FOXP1: variants seen among roughly 807,000 people sequenced by gnomAD.
The protein encoded by FOXP1 is forkhead box P1.
FOXP1 carries 15 observed loss-of-function variants against 98.2 expected under a neutral mutation model. The observed-to-expected ratio is 0.15, with a 90% CI of 0.10 to 0.24. The LOEUF (loss-of-function observed/expected upper bound fraction) is 0.24. Ranked by LOEUF, FOXP1 falls within the 10% of genes least tolerant of loss-of-function variation. The pLI, the probability that FOXP1 is intolerant of heterozygous loss-of-function variation, is 1.00. For missense variants in FOXP1, 633 were observed against 848.5 expected (o/e 0.75, Z 3.15); for synonymous variants, 371 against 314.5 (o/e 1.18, Z -1.90).
chr3:71,088,400 G>GTTTT (rs539363748), intron 7 of FOXP1, among the ~76,000 whole-genome samples: 4 of 140,942 alleles, frequency 2.8e-5, no homozygotes, highest in East Asian at 2.0e-4. Flanking sequence ...TTTGTTTTTT[G>GTTTT]TTTTTTTTTT....
chr3:71,065,225 G>C (rs1449776630), intron 7 of FOXP1, among the ~76,000 whole-genome samples: 2 of 152,026 alleles, frequency 1.3e-5, no homozygotes, highest in Non-Finnish European at 2.9e-5. Flanking sequence ...GGCCGGGCTC[G>C]GCGCGCACCG....
chr3:71,123,344 T>C (rs2107836094), intron 6 of FOXP1, among the ~76,000 whole-genome samples: 1 of 152,322 alleles, frequency 6.6e-6, no homozygotes, highest in African/African-American at 2.4e-5. Flanking sequence ...ATCTCTGCTC[T>C]CTCGCACGCT....
intron 3 of FOXP1, among the ~76,000 whole-genome samples, chr3:71,432,860 A>ACT (rs2084850980): frequency 6.6e-6 from 1 of 151,368 alleles, no homozygotes. Context: ...AAAAAAAAAA[A>ACT]AAAAAATTAA....
intron 5 of FOXP1, among the ~76,000 whole-genome samples, chr3:71,261,407 T>A (rs550086565): frequency 4.0e-5 from 6 of 149,476 alleles, no homozygotes; most frequent in East Asian, 3.9e-4. Flanking sequence ...TATTTAAATT[T>A]AAAAAAAAAA....
rs534901095 is a variant in FOXP1, at chr3:71,442,683, A to G, written c.-168+50743T>C. Among the ~76,000 whole-genome samples, 5 of 152,054 alleles carry G rather than the reference A, an allele frequency of 3.3e-5. No homozygotes were observed. The East Asian group carries it at 9.7e-4, about 29-fold the overall frequency. ...TTTCTTTTGTTTTTGTTTTTTTGACAACAATCACAGTCACTCCCACGTCTG... is the reference window on the plus strand; with the variant it reads ...TTTCTTTTGTTTTTGTTTTTTTGACGACAATCACAGTCACTCCCACGTCTG... On this transcript the variant is annotated intron_variant, in intron 3 of 20. Transcript: ENST00000649528.
intron 5 of FOXP1, chr3:71,244,788 A>G (rs1406074851): frequency 6.6e-6 from 1 of 151,960 alleles, no homozygotes; most frequent in African/African-American, 2.4e-5. Flanking sequence ...TTTCTTTACA[A>G]TGTCTATATC....
At chr3:71,552,644 T>C (rs1170611818) in intron 2 of FOXP1, among the ~76,000 whole-genome samples, 1 of 152,004 alleles carries the variant, frequency 6.6e-6, no homozygotes, top group African/African-American at 2.4e-5. Context: ...ATATTTGATA[T>C]TAAACATATT....
chr3:71,576,242 A>G (rs936701301), intron 2 of FOXP1, among the ~76,000 whole-genome samples: 1 of 152,248 alleles, frequency 6.6e-6, no homozygotes, highest in Admixed American at 6.5e-5. Flanking sequence ...GTTTGAGGAA[A>G]TACACTCATC....
intron 18 of FOXP1, chr3:70,971,990 AAAGCAAGT>A: frequency 7.4e-7 from 1 of 1,358,906 alleles, no homozygotes; most frequent in Non-Finnish European, 9.5e-7. Flanking sequence ...AAAAAAAACA[AAAGCAAGT>A]AAAGGCTCTT....
At chr3:71,220,566 A>T (rs1485047161) in intron 5 of FOXP1, among the ~76,000 whole-genome samples, 1 of 151,714 alleles carries the variant, frequency 6.6e-6, no homozygotes, top group Non-Finnish European at 1.5e-5. Context: ...TGGGCAACAT[A>T]GCAAAACTCT....
chr3:71,033,602 C>CAAAAAAAAAA (rs35470748), intron 11 of FOXP1, among the ~76,000 whole-genome samples: 3 of 70,638 alleles, frequency 4.2e-5, no homozygotes, highest in Non-Finnish European at 3.6e-5. Context: ...AGTGAACAGT[C>CAAAAAAAAAA]AAAAAAAAAA....
In FOXP1 at chr3:71,077,836, AT is replaced by A. The variant is rs34917871; in HGVS notation, c.283-24064del. ...AAGCATTTATGTTTCCTGTGCATAT[AT>A]TTTTTTTTTTTTGAGATGGAGTTTC... is the stretch of plus-strand genomic sequence containing the variant. On this transcript the variant is annotated intron_variant, in intron 7 of 20. Transcript: ENST00000649528. 3.9e-3 allele frequency among the ~76,000 whole-genome samples: 562 copies of A among 145,564 alleles called. 3 individuals are homozygous for A. The highest frequency in any genetic ancestry group is 0.012 in the African/African-American group (479 of 39,432).
chr3:71,229,521 A>G (rs570679078), intron 5 of FOXP1, among the ~76,000 whole-genome samples: 14 of 152,298 alleles, frequency 9.2e-5, no homozygotes, highest in African/African-American at 2.9e-4. Flanking sequence ...GAGTGTGTTC[A>G]TGAATGCAAA....
At chr3:71,348,560 C>T (rs1251549936) in intron 4 of FOXP1, among the ~76,000 whole-genome samples, 5 of 139,610 alleles carry the variant, frequency 3.6e-5, no homozygotes, top group Admixed American at 7.0e-5. Context: ...CGTGCGCGCG[C>T]GCACGCATAT....
At chr3:71,379,785 C>G (rs1407909107) in intron 3 of FOXP1, among the ~76,000 whole-genome samples, 1 of 152,154 alleles carries the variant, frequency 6.6e-6, no homozygotes, top group Admixed American at 6.5e-5. Flanking sequence ...CAACAAAGAC[C>G]AGATGGCCTG....
intron 5 of FOXP1, among the ~76,000 whole-genome samples, chr3:71,286,012 G>A (rs527704207): frequency 7.9e-5 from 12 of 152,334 alleles, no homozygotes; most frequent in African/African-American, 2.9e-4. Flanking sequence ...GCCAACATAA[G>A]AGTGTACTTA....
intron 2 of FOXP1, among the ~76,000 whole-genome samples, chr3:71,520,618 G>A (rs1446957319): frequency 6.6e-6 from 1 of 152,158 alleles, no homozygotes; most frequent in Non-Finnish European, 1.5e-5. Flanking sequence ...GACTGCCCTC[G>A]AGAAAACAGC....
At chr3:71,161,955 AAAG>A (rs201799925) in intron 6 of FOXP1, among the ~76,000 whole-genome samples, 65 of 152,318 alleles carry the variant, frequency 4.3e-4, no homozygotes, top group African/African-American at 1.5e-3. Flanking sequence ...ACAGCAACTA[AAAG>A]AAGGATGCAT....
At chr3:70,994,733 C>T (rs1373944014) in intron 13 of FOXP1, among the ~76,000 whole-genome samples, 22 of 152,202 alleles carry the variant, frequency 1.4e-4, no homozygotes, top group Admixed American at 1.4e-3. Context: ...CCACCCCCGT[C>T]GCCTGCCAGG....
Sources: allele counts gnomAD v4.1 joint callset (sites outside exome capture counted in the v4.1 genomes callset), GRCh38; gene constraint gnomAD v4.1.1; transcripts MANE v1.5; gene names NCBI Gene and HGNC (gene_info 2026-07-23, HGNC 2026-07-21).